ZPBP: variants seen among roughly 807,000 people sequenced by gnomAD.
ZPBP encodes zona pellucida-binding protein 1.
Under a neutral mutation model 44.8 loss-of-function variants are expected in ZPBP, and 26 were observed. The observed-to-expected ratio is 0.58, with a 90% CI of 0.43 to 0.81. The LOEUF (loss-of-function observed/expected upper bound fraction) is 0.81. ZPBP is among the 30% of genes least tolerant of loss of function. The probability of loss-of-function intolerance (pLI) is 0.00; values close to 1 mark genes in which losing one functional copy is unlikely to be tolerated. For synonymous variants in ZPBP, 174 were observed against 153.2 expected, an observed-to-expected ratio of 1.14 and a Z score of -1.00; for missense variants, 409 against 434.0, an observed-to-expected ratio of 0.94 and a Z score of 0.51.
At chr7:50,014,574 C>G (rs1798736027) in intron 6 of ZPBP, among the ~76,000 whole-genome samples, 1 of 149,780 alleles carries the variant, frequency 6.7e-6, no homozygotes, top group African/African-American at 2.5e-5. Flanking sequence ...AAGTGATTCT[C>G]CTGCCTCAGC....
chr7:49,937,706 T>A, intron 7 of ZPBP, 84 bp from the exon 8 acceptor site: 1 of 1,085,706 alleles, frequency 9.2e-7, no homozygotes, highest in Non-Finnish European at 1.4e-6. Flanking sequence ...TTTAAGTGTA[T>A]AGTTCAGTAG....
intron 2 of ZPBP, 49 bp downstream of exon 2, chr7:50,089,580 A>G: frequency 2.2e-6 from 3 of 1,360,204 alleles, no homozygotes; most frequent in African/African-American, 1.4e-5. Context: ...ATAAATTTAA[A>G]CAAATGCTAA....
intron 7 of ZPBP, among the ~76,000 whole-genome samples, chr7:49,979,914 G>T (rs1796709347): frequency 9.2e-6 from 1 of 108,726 alleles, no homozygotes; most frequent in African/African-American, 3.6e-5. Flanking sequence ...TCTGTGTTCT[G>T]GATATATATC....
chr7:49,929,947 T>G (rs1007761264), intron 1 of ZPBP, among the ~76,000 whole-genome samples: 31 of 152,246 alleles, frequency 2.0e-4, no homozygotes, highest in African/African-American at 7.5e-4. Context: ...CCTTTTAAAT[T>G]ATTTTTTCTA....
At chr7:50,082,336 T>A (rs1462961224) in intron 2 of ZPBP, among the ~76,000 whole-genome samples, 1 of 151,908 alleles carries the variant, frequency 6.6e-6, no homozygotes, top group African/African-American at 2.4e-5. Flanking sequence ...TGATGTAGCA[T>A]GATGTACTGA....
chr7:49,907,147 T>TA (rs1793147750), intron 1 of ZPBP, among the ~76,000 whole-genome samples: 1 of 152,206 alleles, frequency 6.6e-6, no homozygotes, highest in Non-Finnish European at 1.5e-5. Context: ...AGAAGTATGT[T>TA]ACCTTTTGTG....
the ZPBP span, among the ~76,000 whole-genome samples, chr7:49,842,336 A>G: frequency 1.3e-5 from 2 of 152,236 alleles, no homozygotes; most frequent in African/African-American, 2.4e-5. Flanking sequence ...TATTATCTGT[A>G]TACTTTAACT....
At chr7:50,079,799 T>C (rs1802274889) in intron 3 of ZPBP, among the ~76,000 whole-genome samples, 1 of 151,860 alleles carries the variant, frequency 6.6e-6, no homozygotes, top group South Asian at 2.1e-4. Flanking sequence ...TGAGTACTTA[T>C]ACATGTTTGT....
intron 2 of ZPBP, among the ~76,000 whole-genome samples, chr7:49,867,397 T>A (rs1275649333): frequency 6.6e-6 from 1 of 152,148 alleles, no homozygotes; most frequent in East Asian, 1.9e-4. Context: ...AGAGGACAGA[T>A]CTGGAGGACG....
At chr7:49,896,423 T>A (rs1480421689) in intron 2 of ZPBP, among the ~76,000 whole-genome samples, 1 of 152,030 alleles carries the variant, frequency 6.6e-6, no homozygotes, top group Non-Finnish European at 1.5e-5. Flanking sequence ...AATGAAATGC[T>A]CACATTAGAA....
chr7:49,950,024 A>G (rs1307099528), intron 7 of ZPBP, among the ~76,000 whole-genome samples: 3 of 151,952 alleles, frequency 2.0e-5, no homozygotes, highest in Non-Finnish European at 4.4e-5. Context: ...GACCTTTAAG[A>G]ATCTTGAACA....
intron 3 of ZPBP, among the ~76,000 whole-genome samples, chr7:50,078,444 C>A (rs1245734342): frequency 1.3e-5 from 2 of 151,254 alleles, no homozygotes; most frequent in African/African-American, 2.4e-5. Flanking sequence ...GGGATGGATA[C>A]CCCATTCTCC....
chr7:50,028,091 G>GAAAATTAT (rs71018447), intron 5 of ZPBP, among the ~76,000 whole-genome samples: 37,420 of 151,524 alleles, frequency 0.25, 5,726 homozygotes, highest in Non-Finnish European at 0.36. Flanking sequence ...ACCAATGCCA[G>GAAAATTAT]AAAATTATAT....
chr7:49,919,904 T>G (rs1272088187), intron 1 of ZPBP: 1 of 152,236 alleles, frequency 6.6e-6, no homozygotes, highest in Non-Finnish European at 1.5e-5. Context: ...TATATGTTTT[T>G]GTAGGTTTTA....
intron 2 of ZPBP, among the ~76,000 whole-genome samples, chr7:49,896,615 T>C (rs1792394371): frequency 6.6e-6 from 1 of 151,982 alleles, no homozygotes; most frequent in Admixed American, 6.5e-5. Flanking sequence ...GTTGGTTCTT[T>C]GAAAAGATCA....
At chr7:49,999,149 A>G in intron 6 of ZPBP, among the ~76,000 whole-genome samples, 1 of 151,870 alleles carries the variant, frequency 6.6e-6, no homozygotes, top group East Asian at 1.9e-4. Context: ...AACCTGCCGC[A>G]TATACATACA....
At chr7:50,068,074 T>C (rs1182021343) in intron 3 of ZPBP, among the ~76,000 whole-genome samples, 4 of 151,740 alleles carry the variant, frequency 2.6e-5, no homozygotes, top group Non-Finnish European at 5.9e-5. Flanking sequence ...GCTTCTTTGA[T>C]TTTTTTTTAA....
At chr7:49,919,034 A>G (rs7797341) in intron 1 of ZPBP, 117,182 of 150,674 alleles carry the variant, frequency 0.78, 45,748 homozygotes, top group East Asian at 0.88. Context: ...CAGCCTGGGT[A>G]ACAGAGCAAG....
downstream of ZPBP, chr7:49,850,389 GC>G (rs1334192352): frequency 6.6e-6 from 1 of 152,248 alleles, no homozygotes; most frequent in Non-Finnish European, 1.5e-5. Context: ...CCATGACATA[GC>G]TTCACATCCA....
Sources: allele counts gnomAD v4.1 joint callset (sites outside exome capture counted in the v4.1 genomes callset), GRCh38; gene constraint gnomAD v4.1.1; transcripts MANE v1.5; gene names NCBI Gene and HGNC (gene_info 2026-07-23, HGNC 2026-07-21).